CC2D2A: variants seen among roughly 807,000 people sequenced by gnomAD.
The protein encoded by CC2D2A is coiled-coil and C2 domain containing 2A.
CC2D2A carries 155 observed loss-of-function variants against 212.9 expected under a neutral mutation model. The ratio of observed to expected loss-of-function variants is 0.73; its 90% CI spans 0.64 to 0.83. The LOEUF is 0.83. CC2D2A is among the 40% of genes least tolerant of loss of function. CC2D2A has a pLI of 0.00. For synonymous variants in CC2D2A, 667 were observed against 686.5 expected (o/e 0.97, Z 0.44); for missense variants, 1,856 against 1,956.2 (o/e 0.95, Z 0.97).
At chr4:15,540,802 T>C (rs1206026562) in intron 16 of CC2D2A, 35 bp from the exon 17 acceptor site, 1 of 1,564,066 alleles carries the variant, frequency 6.4e-7, no homozygotes. Flanking sequence ...AGTAAATTAT[T>C]ACTAACTCCA....
intron 23 of CC2D2A, 54 bp downstream of exon 23, chr4:15,560,676 C>G (rs1719541743): frequency 1.3e-6 from 1 of 762,276 alleles, no homozygotes; most frequent in Non-Finnish European, 2.1e-6. Flanking sequence ...ATTATTTATA[C>G]TCTATTATAT....
chr4:15,489,330 G>A (rs1220213818), intron 4 of CC2D2A, among the ~76,000 whole-genome samples: 8 of 152,098 alleles, frequency 5.3e-5, no homozygotes, highest in South Asian at 2.1e-4. Context: ...TGAAGGAGCC[G>A]GGCCTTGGGG....
chr4:15,493,161 C>A (rs1264575450), intron 4 of CC2D2A, among the ~76,000 whole-genome samples: 4 of 152,130 alleles, frequency 2.6e-5, no homozygotes, highest in Non-Finnish European at 4.4e-5. Flanking sequence ...AATTATCATC[C>A]CCTAGGTGTC....
chr4:15,512,991 T>C (rs1485999514), intron 8 of CC2D2A, among the ~76,000 whole-genome samples: 1 of 151,862 alleles, frequency 6.6e-6, no homozygotes, highest in African/African-American at 2.4e-5. Context: ...CTTCATGTTA[T>C]ATATATTTTA....
chr4:15,481,831 G>C (rs767498520), intron 4 of CC2D2A: 67 of 985,318 alleles, frequency 6.8e-5, no homozygotes, highest in Non-Finnish European at 7.8e-5. Context: ...AGATGAAATT[G>C]TTAGGGAAGA....
chr4:15,491,179 T>C lies in CC2D2A; in HGVS notation c.247+10352T>C, dbSNP rs537589215. On this transcript the variant is annotated intron_variant, in intron 4 of 36. Coordinates refer to ENST00000424120, the MANE Select transcript of CC2D2A (RefSeq NM_001378615.1). ...TTTTAAGAAACTGCCGATATACTTT[T>C]CAAAGTGGCTGCATCATTTTACTTT... Among the ~76,000 whole-genome samples the C allele has an allele frequency of 4.6e-5, 7 of 152,358 alleles. No homozygotes were observed. The South Asian group carries it at 1.2e-3, about 27-fold the overall frequency.
At chr4:15,516,429 A>G (rs1371393963) in intron 10 of CC2D2A, among the ~76,000 whole-genome samples, 196 bp from the exon 11 acceptor site, 3 of 152,166 alleles carry the variant, frequency 2.0e-5, no homozygotes, top group Admixed American at 6.5e-5. Context: ...CAGGGTGTAT[A>G]TTTTAAATCA....
At chr4:15,579,833 C>T in intron 29 of CC2D2A, 135 bp from the exon 30 acceptor site, 2 of 663,332 alleles carry the variant, frequency 3.0e-6, no homozygotes, top group Non-Finnish European at 5.3e-6. Context: ...GCAGGGACAC[C>T]AGGACATGAC....
Position 15,567,881 on chromosome 4 carries a change from T to A in CC2D2A, c.3398+95T>A, listed in dbSNP as rs532825780. 1.3e-5 allele frequency: 11 copies of A among 864,342 alleles called. No individual in the cohort carries two copies. The African/African-American group carries it at 1.8e-4, about 14-fold the overall frequency. The allele number at this position is 864,342 out of a possible 1,614,324, so 53.5% of individuals were successfully genotyped here. A position where few individuals can be genotyped will look rare whatever the true frequency, so the allele number is the denominator to read the frequency against. ...GAAACGGCTAAGGTGAAGGATTTTG[T>A]AGCTAGTGAGCGGCAACAAGATCCA... On this transcript the variant is annotated intron_variant, in intron 26 of 36. Coordinates refer to ENST00000424120, the MANE Select transcript of CC2D2A (RefSeq NM_001378615.1).
chr4:15,529,500 G>C (rs920047705), intron 13 of CC2D2A, among the ~76,000 whole-genome samples: 2 of 152,062 alleles, frequency 1.3e-5, no homozygotes, highest in Non-Finnish European at 2.9e-5. Context: ...ACTCATATCT[G>C]CAGGTATCAA....
rs1246739950 is a variant in CC2D2A at position 15,596,145 on chromosome 4, C to T, written c.4375C>T (p.Pro1459Ser). Reference protein sequence around the residue: ...PLRINFDVTRPKLWKSFFSRS... With the variant: ...PLRINFDVTRSKLWKSFFSRS... ...AAGGATAAATTTTGATGTCACCAGGCCCAAGCTATGGAAATCTTTCTTTTC... is the reference window on the plus strand; with the variant it reads ...AAGGATAAATTTTGATGTCACCAGGTCCAAGCTATGGAAATCTTTCTTTTC... The change falls in exon 34 of 37, where the codon CCC (proline) becomes TCC (serine). Residue 1459 changes from proline (P) to serine (S), a missense_variant. Around this residue, in one of 5 missense-constraint regions of CC2D2A, gnomAD observed 285 missense variants for 278.4 expected, o/e 1.02. Transcript: ENST00000424120. 2 of 1,549,220 alleles carry T rather than the reference C, an allele frequency of 1.3e-6. No homozygotes were observed. The highest frequency in any genetic ancestry group is 1.7e-6 in the Non-Finnish European group (2 of 1,145,740).
chr4:15,566,803 GT>G lies in CC2D2A; in HGVS notation c.3183-573del, dbSNP rs548462399. ...CCTGAGCAACATCCTGAGACCTCTG[GT>G]CCCTACAAAAAATTTTAAAAATTAG... is the stretch of plus-strand genomic sequence containing the variant. On this transcript the variant is annotated intron_variant, in intron 24 of 36. Coordinates refer to ENST00000424120, the MANE Select transcript of CC2D2A (RefSeq NM_001378615.1). 7.5e-4 allele frequency among the ~76,000 whole-genome samples: 114 copies of G among 151,752 alleles called. 1 individual carries two copies. Among genetic ancestry groups the G allele is most frequent in the Non-Finnish European group, 1.4e-3 (96 of 67,962 alleles).
intron 30 of CC2D2A, among the ~76,000 whole-genome samples, chr4:15,583,725 G>A (rs986871940): frequency 3.9e-5 from 6 of 152,040 alleles, no homozygotes; most frequent in Non-Finnish European, 7.4e-5. Flanking sequence ...CGAGGCGGGC[G>A]GATCACGAGG....
chr4:15,474,997 C>T (rs999564206), intron 1 of CC2D2A, among the ~76,000 whole-genome samples: 3 of 152,042 alleles, frequency 2.0e-5, no homozygotes, highest in Admixed American at 2.0e-4. Flanking sequence ...TTTTTTTGGC[C>T]GGGCACGGTG....
chr4:15,540,832 T>C lies in CC2D2A; in HGVS notation c.2004-5T>C, dbSNP rs774964185. Reference sequence around the variant, plus strand: ...ACTCCACCTGTGAATGGTCTCCTTTTGCAGAGCGGAGGTCTCGAGAAGGGA... The same window carrying C: ...ACTCCACCTGTGAATGGTCTCCTTTCGCAGAGCGGAGGTCTCGAGAAGGGA... On this transcript the variant is annotated splice_polypyrimidine_tract_variant and splice_region_variant and intron_variant, in intron 16 of 36. Coordinates refer to ENST00000424120, the MANE Select transcript of CC2D2A (RefSeq NM_001378615.1). 3.1e-6 allele frequency: 5 copies of C among 1,593,894 alleles called. 1 individual carries two copies. In the South Asian group the frequency reaches 5.7e-5, roughly 18 times the overall value.
chr4:15,519,059 A>G (rs1577343242), intron 11 of CC2D2A, among the ~76,000 whole-genome samples: 2 of 152,262 alleles, frequency 1.3e-5, no homozygotes, highest in Middle Eastern at 6.8e-3. Context: ...TTTCTTTTCT[A>G]TTACATTGTA....
Position 15,515,878 on chromosome 4 carries a change from T to C in CC2D2A, c.891T>C (p.Tyr297=), listed in dbSNP as rs797045438. ...FIPSRQTVPT[Y]KKLPENVQPR... is the part of the protein sequence containing the mutation. ...TTATAAACGATCTAGTCCCTACATA[T>C]AAAAAGCTTCCTGAGAATGTACAGC... is the stretch of plus-strand genomic sequence containing the variant. The change falls in exon 10 of 37, where the codon TAT becomes TAC. Residue 297 remains tyrosine, a synonymous_variant. Coordinates refer to ENST00000424120, the MANE Select transcript of CC2D2A (RefSeq NM_001378615.1). The C allele has an allele frequency of 6.4e-6, 10 of 1,551,720 alleles. No homozygotes were observed. The African/African-American group carries it at 1.4e-4, about 21-fold the overall frequency.
intron 6 of CC2D2A, among the ~76,000 whole-genome samples, chr4:15,504,116 T>A (rs890160269): frequency 6.6e-6 from 1 of 152,236 alleles, no homozygotes; most frequent in East Asian, 1.9e-4. Flanking sequence ...TCTGATTTTT[T>A]AAATGATGCC....
intron 6 of CC2D2A, among the ~76,000 whole-genome samples, chr4:15,504,736 G>A (rs143188297): frequency 6.6e-6 from 1 of 152,212 alleles, no homozygotes; most frequent in East Asian, 1.9e-4. Flanking sequence ...TATTCCCTAA[G>A]TACCATTCTT....
Sources: gnomAD v4.1 joint callset for allele counts (sites outside exome capture counted in the v4.1 genomes callset) on GRCh38, gnomAD v4.1.1 for gene constraint, gnomAD v4.1.1 regional missense constraint, MANE v1.5 for transcripts, NCBI Gene and HGNC (gene_info 2026-07-23, HGNC 2026-07-21) for gene names.